Variants in MAN1C1 observed in about 807,000 individuals in gnomAD.
MAN1C1 encodes mannosidase alpha class 1C member 1.
MAN1C1 carries 49 observed loss-of-function variants against 71.5 expected under a neutral mutation model. The observed-to-expected ratio is 0.69, with a 90% CI of 0.54 to 0.87. The LOEUF (loss-of-function observed/expected upper bound fraction) is 0.87, where lower values mean the gene tolerates loss of function less well. Ranked by LOEUF, MAN1C1 falls within the 40% of genes least tolerant of loss-of-function variation. MAN1C1 has a pLI of 0.00. For synonymous variants in MAN1C1, 352 were observed against 343.7 expected (o/e 1.02, Z -0.27); for missense variants, 743 against 835.0 (o/e 0.89, Z 1.36).
chr1:25,763,690 C>G, intron 6 of MAN1C1, 184 bp from the exon 7 acceptor site: 1 of 594,188 alleles, frequency 1.7e-6, no homozygotes, highest in South Asian at 1.9e-5. Flanking sequence ...CACGTGGCAC[C>G]AGGGCAAGGC....
rs1173077037 is a variant in MAN1C1 at position 25,735,636 on chromosome 1, T to A, written c.638-11032T>A. Among the ~76,000 whole-genome samples the A allele has an allele frequency of 2.0e-5, 3 of 152,196 alleles. No individual in the cohort carries two copies. Among genetic ancestry groups the A allele is most frequent in the African/African-American group, 7.2e-5 (3 of 41,434 alleles). On this transcript the variant is annotated intron_variant, in intron 2 of 11. Transcript: ENST00000374332. This position sits in a 1 kb window ranked among gnomAD's most constrained non-coding sequence, Gnocchi z 4.6. ...TGTATTATAACAAAGTATTCCACAG[T>A]GAGAGGCAGACCACAGTGTTGTTTG... is the stretch of plus-strand genomic sequence containing the variant.
intron 1 of MAN1C1, among the ~76,000 whole-genome samples, chr1:25,677,320 TG>T (rs1345403957): frequency 6.6e-6 from 1 of 152,040 alleles, no homozygotes; most frequent in Non-Finnish European, 1.5e-5. Flanking sequence ...TGTGGTCTAT[TG>T]TTAGGTGCTC....
At position 25,758,677 on chromosome 1, in the gene MAN1C1, G is replaced by T; in HGVS notation, c.1015G>T (p.Glu339Ter). Reference sequence around the variant, plus strand: ...GCACTTGGAATTCTTACACCTCACTGAACTCTCTGGCAACCAGGTCTTCGC... The same window carrying T: ...GCACTTGGAATTCTTACACCTCACTTAACTCTCTGGCAACCAGGTCTTCGC... ...SLHLEFLHLT[E>*]LSGNQVFAEK... Residue 339 changes from glutamate to a stop codon, truncating the protein, a stop_gained, in exon 6 of 12, where the codon GAA becomes TAA. Coordinates refer to ENST00000374332, the MANE Select transcript of MAN1C1 (RefSeq NM_020379.4). LOFTEE classifies it high-confidence loss of function. 1 of 1,614,152 alleles carries T rather than the reference G, an allele frequency of 6.2e-7. No individual in the cohort carries two copies. The highest frequency in any genetic ancestry group is 8.5e-7 in the Non-Finnish European group (1 of 1,179,994).
At chr1:25,646,140 C>T (rs1292170298) in intron 1 of MAN1C1, 1 of 152,356 alleles carries the variant, frequency 6.6e-6, no homozygotes, top group African/African-American at 2.4e-5. Context: ...CAGTGCTGGG[C>T]ACTTAGCCTT....
At chr1:25,705,270 A>C (rs929362492) in intron 2 of MAN1C1, among the ~76,000 whole-genome samples, 24 of 152,326 alleles carry the variant, frequency 1.6e-4, no homozygotes, top group African/African-American at 5.5e-4. Flanking sequence ...GAAAAAAAGG[A>C]AGAAAGGAAA....
At chr1:25,629,564 C>T (rs1000834830) in intron 1 of MAN1C1, among the ~76,000 whole-genome samples, 2 of 152,092 alleles carry the variant, frequency 1.3e-5, no homozygotes, top group Non-Finnish European at 2.9e-5. Context: ...GGATCACAGG[C>T]ATGTGTCACC....
chr1:25,717,645 G>A (rs960531184), intron 2 of MAN1C1, among the ~76,000 whole-genome samples: 1 of 149,100 alleles, frequency 6.7e-6, no homozygotes, highest in East Asian at 2.0e-4. Flanking sequence ...GCGCAATCTC[G>A]GCTCACTGCA....
At chr1:25,655,603 C>G (rs1481946541) in intron 1 of MAN1C1, among the ~76,000 whole-genome samples, 1 of 152,110 alleles carries the variant, frequency 6.6e-6, no homozygotes. Context: ...GGGGCAGAGT[C>G]TAGCTTTTTA....
intron 1 of MAN1C1, among the ~76,000 whole-genome samples, chr1:25,619,362 T>C (rs2045170341): frequency 6.6e-6 from 1 of 152,192 alleles, no homozygotes; most frequent in South Asian, 2.1e-4. Flanking sequence ...CCTGGACTTC[T>C]TGATTTGCTG....
At chr1:25,681,402 C>T (rs777810787) in intron 1 of MAN1C1, among the ~76,000 whole-genome samples, 25 of 152,094 alleles carry the variant, frequency 1.6e-4, no homozygotes, top group Non-Finnish European at 2.9e-4. Context: ...TTTAGAGACT[C>T]GGTGCCCAAG....
chr1:25,757,234 C>T (rs938901297), intron 5 of MAN1C1, among the ~76,000 whole-genome samples: 6 of 152,156 alleles, frequency 3.9e-5, no homozygotes, highest in African/African-American at 9.7e-5. Flanking sequence ...AAGTCCTGTC[C>T]GTGGAGATGG....
intron 2 of MAN1C1, among the ~76,000 whole-genome samples, chr1:25,743,102 C>T (rs890616484): frequency 6.6e-6 from 1 of 152,174 alleles, no homozygotes; most frequent in Non-Finnish European, 1.5e-5. Context: ...TCCCCAGTGC[C>T]CTGGTCCAGT....
intron 2 of MAN1C1, among the ~76,000 whole-genome samples, chr1:25,707,427 G>A (rs377674934): frequency 1.3e-5 from 2 of 152,164 alleles, no homozygotes; most frequent in African/African-American, 4.8e-5. Context: ...CAAGAGAATT[G>A]GTTTGCCTCT....
chr1:25,771,647 C>T lies in MAN1C1; in HGVS notation c.1142-10C>T. On this transcript the variant is annotated splice_polypyrimidine_tract_variant and intron_variant, in intron 7 of 11. Coordinates refer to ENST00000374332, the MANE Select transcript of MAN1C1 (RefSeq NM_020379.4). ...TGGAGATAATGTTCTTGTCCTCTTTCCCTTCACAGACCATGTCTCAGTTGG... is the reference window on the plus strand; with the variant it reads ...TGGAGATAATGTTCTTGTCCTCTTTTCCTTCACAGACCATGTCTCAGTTGG... The T allele has an allele frequency of 6.3e-7, 1 of 1,599,420 alleles. No individual in the cohort carries two copies. Among genetic ancestry groups the T allele is most frequent in the Non-Finnish European group, 8.6e-7 (1 of 1,166,622 alleles).
intron 1 of MAN1C1, among the ~76,000 whole-genome samples, chr1:25,670,321 C>G (rs1038658806): frequency 6.6e-6 from 1 of 152,246 alleles, no homozygotes; most frequent in Non-Finnish European, 1.5e-5. Context: ...CAGGATCTCT[C>G]TGCCACTTGC....
At chr1:25,639,002 T>C (rs553395179) in intron 1 of MAN1C1, among the ~76,000 whole-genome samples, 1 of 152,280 alleles carries the variant, frequency 6.6e-6, no homozygotes, top group East Asian at 1.9e-4. Context: ...TTGCTTGATA[T>C]CATCCTAGAG....
chr1:25,675,459 G>A (rs2982315), intron 1 of MAN1C1, among the ~76,000 whole-genome samples: 148,209 of 152,270 alleles, frequency 0.97, 72,157 homozygotes, highest in East Asian at 1. Context: ...GTGTATATAT[G>A]CCACATTTTC....
At position 25,746,670 on chromosome 1, in the gene MAN1C1, G is replaced by A. The variant is rs1391538649; in HGVS notation, c.640G>A (p.Gly214Ser). 2 of 1,611,896 alleles carry A rather than the reference G, an allele frequency of 1.2e-6. No homozygotes were observed. The highest frequency in any genetic ancestry group is 1.7e-6 in the Non-Finnish European group (2 of 1,177,998). The part of the protein sequence containing the change: ...KDGYEGNMFG[G>S]LSGATVIDSL... ...CCCTCAATGCTCTGTGCCTGCAGGAGGCCTCAGCGGGGCAACAGTCATTGA... is the reference window on the plus strand; with the variant it reads ...CCCTCAATGCTCTGTGCCTGCAGGAAGCCTCAGCGGGGCAACAGTCATTGA... Residue 214 changes from glycine to serine, a missense_variant and splice_region_variant, in exon 3 of 12, where the codon GGC (glycine) becomes AGC (serine). Transcript: ENST00000374332. This position sits in a 1 kb window ranked among gnomAD's most constrained non-coding sequence, Gnocchi z 4.0.
intron 1 of MAN1C1, among the ~76,000 whole-genome samples, chr1:25,680,385 A>G (rs754884651): frequency 3.3e-5 from 5 of 152,214 alleles, no homozygotes; most frequent in Non-Finnish European, 7.4e-5. Flanking sequence ...ATATATTCAC[A>G]AATTGTGAAT....
Sources: allele counts gnomAD v4.1 joint callset (sites outside exome capture counted in the v4.1 genomes callset), GRCh38; gene constraint gnomAD v4.1.1; non-coding constraint Gnocchi (gnomAD v3.1); transcripts MANE v1.5; gene names NCBI Gene and HGNC (gene_info 2026-07-23, HGNC 2026-07-21).